PDE1C: variants seen among roughly 807,000 people sequenced by gnomAD.
PDE1C encodes the protein dual specificity calcium/calmodulin-dependent 3',5'-cyclic nucleotide phosphodiesterase 1C.
A neutral mutation model predicts 93.1 loss-of-function variants in PDE1C; 62 were observed. That is an observed-to-expected ratio of 0.67 (90% CI 0.54 to 0.82). The LOEUF is 0.82. Ranked by LOEUF, PDE1C falls within the 40% of genes least tolerant of loss-of-function variation. The probability of loss-of-function intolerance (pLI) is 0.00; values close to 1 mark genes in which losing one functional copy is unlikely to be tolerated. For synonymous variants in PDE1C, 325 were observed against 310.1 expected (o/e 1.05, Z -0.50); for missense variants, 742 against 884.6 (o/e 0.84, Z 2.04).
chr7:32,004,543 A>C (rs1401726699), intron 2 of PDE1C, among the ~76,000 whole-genome samples: 1 of 152,100 alleles, frequency 6.6e-6, no homozygotes, highest in Non-Finnish European at 1.5e-5. Flanking sequence ...GAGTTACTAG[A>C]GACTTTTTTT....
At chr7:31,884,217 AT>A (rs1004027822) in intron 2 of PDE1C, among the ~76,000 whole-genome samples, 1 of 152,150 alleles carries the variant, frequency 6.6e-6, no homozygotes, top group African/African-American at 2.4e-5. Flanking sequence ...CAGAAAAAAA[AT>A]TCATGAAGAG....
At chr7:32,192,060 A>G (rs1804273657) in intron 2 of PDE1C, among the ~76,000 whole-genome samples, 1 of 152,208 alleles carries the variant, frequency 6.6e-6, no homozygotes, top group African/African-American at 2.4e-5. Context: ...TTCAAAATGC[A>G]TCGTTTGCTT....
intron 1 of PDE1C, among the ~76,000 whole-genome samples, chr7:32,421,403 C>T (rs7785659): frequency 0.15 from 22,846 of 152,256 alleles, 1,811 homozygotes; most frequent in African/African-American, 0.18. Flanking sequence ...TTCACCTACA[C>T]GGATGATCCG....
rs868281812 is a variant in PDE1C at position 32,400,847 on chromosome 7, G to A, written c.310+26975C>T. ...ACAGAAGGTTCCCTTCCTTATCCCC[G>A]ACATAGTTCCTGCTGAATGAGCTCC... On this transcript the variant is annotated intron_variant, in intron 1 of 1. Coordinates refer to the PDE1C transcript ENST00000672256. Among the ~76,000 whole-genome samples the A allele has an allele frequency of 5.9e-5, 9 of 152,166 alleles. 1 individual carries two copies. The highest frequency in any genetic ancestry group is 6.3e-3 in the Middle Eastern group (2 of 316).
chr7:31,691,655 G>T, the PDE1C span, among the ~76,000 whole-genome samples: 3 of 151,870 alleles, frequency 2.0e-5, no homozygotes, highest in African/African-American at 7.3e-5. Context: ...GGACAGATTT[G>T]TTCTCATGTC....
At chr7:31,996,725 C>T (rs982761640) in intron 2 of PDE1C, among the ~76,000 whole-genome samples, 1 of 152,178 alleles carries the variant, frequency 6.6e-6, no homozygotes, top group African/African-American at 2.4e-5. Context: ...GTAAAACTGA[C>T]ATCCAACATG....
intron 2 of PDE1C, among the ~76,000 whole-genome samples, chr7:31,940,052 C>A (rs963686945): frequency 2.0e-5 from 3 of 152,158 alleles, no homozygotes; most frequent in African/African-American, 7.2e-5. Context: ...ATTAGAATCA[C>A]CGGGGGAAGT....
chr7:32,233,595 C>T (rs549105168), intron 1 of PDE1C, among the ~76,000 whole-genome samples: 1 of 151,984 alleles, frequency 6.6e-6, no homozygotes, highest in East Asian at 1.9e-4. Flanking sequence ...TAAATTAGGA[C>T]ATTACATAAT....
intron 1 of PDE1C, among the ~76,000 whole-genome samples, chr7:32,401,452 A>T (rs390326): frequency 5.9e-5 from 9 of 151,618 alleles, no homozygotes; most frequent in South Asian, 2.1e-4. Context: ...CAGGAGAATC[A>T]CTTTAACCCA....
At chr7:32,235,259 T>C (rs1270033748) in intron 1 of PDE1C, among the ~76,000 whole-genome samples, 1 of 151,844 alleles carries the variant, frequency 6.6e-6, no homozygotes. Context: ...ATATTGGAAG[T>C]CCTAGCCAGT....
intron 1 of PDE1C, among the ~76,000 whole-genome samples, chr7:32,064,370 C>A (rs756058634): frequency 9.9e-5 from 15 of 152,184 alleles, no homozygotes; most frequent in Non-Finnish European, 2.1e-4. Flanking sequence ...ACACCAAATT[C>A]ACTGAGACAT....
intron 6 of PDE1C, among the ~76,000 whole-genome samples, chr7:31,866,627 C>T (rs1315571205): frequency 3.9e-5 from 6 of 152,118 alleles, no homozygotes; most frequent in African/African-American, 1.4e-4. Context: ...GCATCTGGCA[C>T]TCACCTCCTC....
In PDE1C at chr7:31,816,119, G is replaced by T; in HGVS notation, c.1618C>A (p.Arg540Ser). 6.2e-7 allele frequency: 1 copy of T among 1,613,860 alleles called. No individual in the cohort carries two copies. The highest frequency in any genetic ancestry group is 8.5e-7 in the Non-Finnish European group (1 of 1,179,912). The change falls in exon 15 of 18, where the codon CGC becomes AGC. Residue 540 changes from arginine (R) to serine (S), a missense_variant. By Grantham distance (110) the Arg-to-Ser change is moderately radical (BLOSUM62 -1). Around this residue, in one of 4 missense-constraint regions of PDE1C, gnomAD observed 454 missense variants for 459.4 expected, o/e 0.99. Transcript: ENST00000396191. ...TTTTGCTGCTCCTCTGCGGCCAGGC[G>T]AGCCTTTTCCTCTGCTTCCTTCTTG... ...KAKKEAEEKA[R>S]LAAEEQQKEM...
intron 2 of PDE1C, among the ~76,000 whole-genome samples, chr7:32,170,367 C>T (rs947033369): frequency 6.6e-6 from 1 of 152,094 alleles, no homozygotes; most frequent in South Asian, 2.1e-4. Flanking sequence ...TATGGAGACA[C>T]CCACCCCAAA....
chr7:32,081,410 G>A (rs1181194052), intron 3 of PDE1C, among the ~76,000 whole-genome samples: 5 of 152,182 alleles, frequency 3.3e-5, no homozygotes, highest in Non-Finnish European at 7.3e-5. Flanking sequence ...AAGAGCATTT[G>A]TGAAAATCAG....
intron 2 of PDE1C, among the ~76,000 whole-genome samples, chr7:32,195,635 C>T (rs1295318403): frequency 1.3e-5 from 2 of 152,042 alleles, no homozygotes; most frequent in African/African-American, 2.4e-5. Context: ...GAGGATTGCT[C>T]GAGCGCAGGA....
chr7:31,808,059 T>C (rs934462377), intron 16 of PDE1C, among the ~76,000 whole-genome samples: 1 of 152,034 alleles, frequency 6.6e-6, no homozygotes, highest in East Asian at 1.9e-4. Flanking sequence ...AAAGACAGCA[T>C]GTCATAACAG....
At chr7:31,967,576 T>G (rs1013271569) in intron 2 of PDE1C, among the ~76,000 whole-genome samples, 1 of 152,146 alleles carries the variant, frequency 6.6e-6, no homozygotes, top group African/African-American at 2.4e-5. Context: ...TTCCAATCAA[T>G]AAATAAAGAG....
rs76525441 is a variant in PDE1C, at chr7:31,917,017, A to C, written c.129-36157T>G. 9.0e-3 allele frequency among the ~76,000 whole-genome samples: 1,375 copies of C among 152,216 alleles called. 18 individuals carry two copies. The highest frequency in any genetic ancestry group is 0.031 in the African/African-American group (1,293 of 41,520). ...CATAGCCCATCTAGGGAAGAATCCT[A>C]CTACCAGGCATGGACAGAAACTTAA... On this transcript the variant is annotated intron_variant, in intron 2 of 17. Coordinates refer to ENST00000396191, the MANE Select transcript of PDE1C (RefSeq NM_001191057.4).
Sources: gnomAD v4.1 joint callset for allele counts (sites outside exome capture counted in the v4.1 genomes callset) on GRCh38, gnomAD v4.1.1 for gene constraint, gnomAD v4.1.1 regional missense constraint, MANE v1.5 for transcripts, NCBI Gene and HGNC (gene_info 2026-07-23, HGNC 2026-07-21) for gene names.